The following CYREN variants were observed in gnomAD, a reference collection of about 807,000 sequenced individuals.
The protein encoded by CYREN is cell cycle regulator of non-homologous end joining.
In CYREN, 7 loss-of-function variants were observed where a neutral mutation model predicts 9.7. The ratio of observed to expected loss-of-function variants is 0.72; its 90% CI spans 0.41 to 1.36. CYREN has a LOEUF of 1.36. Among genes scored for constraint, CYREN ranks in the 40% most tolerant of loss-of-function variants. The pLI, the probability that CYREN is intolerant of heterozygous loss-of-function variation, is 0.01. For synonymous variants in CYREN, 76 were observed against 77.9 expected, an observed-to-expected ratio of 0.98 and a Z score of 0.13; for missense variants, 215 against 198.1, an observed-to-expected ratio of 1.09 and a Z score of -0.51.
chr7:135,122,719 GACATCTCCA>G (rs377292885), intron 2 of CYREN, among the ~76,000 whole-genome samples: 32 of 152,290 alleles, frequency 2.1e-4, no homozygotes, highest in African/African-American at 7.7e-4. Flanking sequence ...CTCCTTGAGT[GACATCTCCA>G]GGCCCAGGAG....
chr7:135,125,940 T>A (rs1208383525), intron 2 of CYREN, among the ~76,000 whole-genome samples: 1 of 152,134 alleles, frequency 6.6e-6, no homozygotes, highest in Non-Finnish European at 1.5e-5. Flanking sequence ...CAATATCATA[T>A]TGAATAGGCA....
chr7:135,168,616 T>C (rs955720459), intron 2 of CYREN, 170 bp downstream of exon 2: 2 of 1,063,616 alleles, frequency 1.9e-6, no homozygotes, highest in African/African-American at 3.2e-5. Flanking sequence ...GTTAACCCGC[T>C]TTGCCTCCCG....
Sources: gnomAD v4.1 joint callset for allele counts (sites outside exome capture counted in the v4.1 genomes callset) on GRCh38, gnomAD v4.1.1 for gene constraint, MANE v1.5 for transcripts, NCBI Gene and HGNC (gene_info 2026-07-23, HGNC 2026-07-21) for gene names.